GGT7: variants seen among roughly 807,000 people sequenced by gnomAD.
GGT7 encodes the protein glutathione hydrolase 7.
GGT7 carries 30 observed loss-of-function variants against 69.2 expected under a neutral mutation model. The observed-to-expected ratio is 0.43, with a 90% CI of 0.32 to 0.59. GGT7 has a LOEUF of 0.59. Among genes scored for constraint, GGT7 ranks in the 20% least tolerant of loss-of-function variants. The pLI is 0.05. For synonymous variants in GGT7, 388 were observed against 391.8 expected, an observed-to-expected ratio of 0.99 and a Z score of 0.12; for missense variants, 733 against 901.1, an observed-to-expected ratio of 0.81 and a Z score of 2.39.
rs569819094 is a variant in GGT7, at chr20:34,852,235, G to A, written c.1507C>T (p.Pro503Ser). The A allele has an allele frequency of 6.2e-7, 1 of 1,614,018 alleles. No homozygotes were observed. The highest frequency in any genetic ancestry group is 1.7e-5 in the Admixed American group (1 of 60,026). The change falls in exon 12 of 15, where the codon CCC (proline) becomes TCC (serine). Residue 503 changes from proline to serine, a missense_variant. Transcript: ENST00000336431. ...NQPFGSGLIT[P>S]SGILLNSQML... The stretch of plus-strand genomic sequence containing the variant: ...TGGCTGTTGAGCAGGATCCCCGAGG[G>A]GGTGATAAGGCCGCTGCCAAAGGGC...
rs1479361034 is a variant in GGT7 at position 34,863,463 on chromosome 20, T to C, written c.255A>G (p.Leu85=). 3.1e-6 allele frequency: 5 copies of C among 1,611,134 alleles called. No individual in the cohort carries two copies. The highest frequency in any genetic ancestry group is 2.7e-5 in the African/African-American group (2 of 74,898). Reference sequence around the variant, plus strand: ...AGAACGGGTCTTTGCGCGTCTCGCGTAGCGGCGACCCGTCTTGGCTGCCCA... The same window carrying C: ...AGAACGGGTCTTTGCGCGTCTCGCGCAGCGGCGACCCGTCTTGGCTGCCCA... ...SEMGSQDGSP[L]RETRKDPFSA... Residue 85 remains leucine, a synonymous_variant, in exon 2 of 15, where the codon CTA becomes CTG. Transcript: ENST00000336431. This position sits in a 1 kb window ranked among gnomAD's most constrained non-coding sequence, Gnocchi z 4.4.
Position 34,852,227 on chromosome 20 carries a change from C to T in GGT7, c.1515G>A (p.Gly505=), listed in dbSNP as rs766326804. The change falls in exon 12 of 15, where the codon GGG becomes GGA. Residue 505 remains glycine (G), a synonymous_variant. Coordinates refer to ENST00000336431, the MANE Select transcript of GGT7 (RefSeq NM_178026.3). ...PFGSGLITPS[G]ILLNSQMLDF... Reference sequence around the variant, plus strand: ...CCAGCATCTGGCTGTTGAGCAGGATCCCCGAGGGGGTGATAAGGCCGCTGC... The same window carrying T: ...CCAGCATCTGGCTGTTGAGCAGGATTCCCGAGGGGGTGATAAGGCCGCTGC... The T allele has an allele frequency of 3.1e-6, 5 of 1,614,076 alleles. No homozygotes were observed. Among genetic ancestry groups the T allele is most frequent in the South Asian group, 2.2e-5 (2 of 91,086 alleles).
intron 1 of GGT7, among the ~76,000 whole-genome samples, chr20:34,865,913 G>A (rs1240826345): frequency 6.6e-6 from 1 of 152,188 alleles, no homozygotes; most frequent in East Asian, 1.9e-4. Context: ...CTCACAATAT[G>A]TTTTTTAAAG....
At position 34,845,126 on chromosome 20, in the gene GGT7, AC is replaced by A; in HGVS notation, c.*201del. ...GATGCTGACACTCACCACCACCACC[AC>A]CACCACCACCACCACCACCACCACC... On this transcript the variant is annotated 3_prime_UTR_variant, in exon 15 of 15. Coordinates refer to ENST00000336431, the MANE Select transcript of GGT7 (RefSeq NM_178026.3). The A allele has an allele frequency of 2.8e-6, 1 of 359,886 alleles. No individual in the cohort carries two copies. The highest frequency in any genetic ancestry group is 2.4e-5 in the South Asian group (1 of 42,218). 22.3% of individuals were successfully genotyped at this position (359,886 alleles called of 1,614,324 possible). A position where few individuals can be genotyped will look rare whatever the true frequency, so the allele number is the denominator to read the frequency against.
At chr20:34,862,386 G>A (rs1356967060) in intron 3 of GGT7, among the ~76,000 whole-genome samples, 1 of 152,162 alleles carries the variant, frequency 6.6e-6, no homozygotes, top group Admixed American at 6.5e-5. Flanking sequence ...GCTGGGTGTT[G>A]CCCATGGGTG....
Position 34,861,545 on chromosome 20 carries a change from A to G in GGT7, c.575T>C (p.Val192Ala). Residue 192 changes from valine to alanine, a missense_variant, in exon 4 of 15, where the codon GTA becomes GCA. By Grantham distance (64) the Val-to-Ala change is moderately conservative. Transcript: ENST00000336431. ...SGLGGGGVML[V>A]HDIRRNESHL... ...GCTCTCATTTCGTCGGATGTCATGT[A>G]CCAGCATCACGCCCCCACTGGGAGA... The G allele has an allele frequency of 3.3e-6, 5 of 1,505,504 alleles. No individual in the cohort carries two copies. The highest frequency in any genetic ancestry group is 4.5e-6 in the Non-Finnish European group (5 of 1,111,456). The allele number at this position is 1,505,504 out of a possible 1,614,324, so 93.3% of individuals were successfully genotyped here. A position where few individuals can be genotyped will look rare whatever the true frequency, so the allele number is the denominator to read the frequency against.
At chr20:34,848,286 T>C (rs2079330828) in intron 14 of GGT7, among the ~76,000 whole-genome samples, 1 of 152,172 alleles carries the variant, frequency 6.6e-6, no homozygotes, top group African/African-American at 2.4e-5. Context: ...GCCTAGGCTG[T>C]TCCTCCTGTC....
Position 34,853,935 on chromosome 20 carries a change from T to C in GGT7, c.1319+596A>G, listed in dbSNP as rs186676080. 2.2e-3 allele frequency among the ~76,000 whole-genome samples: 328 copies of C among 152,220 alleles called. 4 individuals are homozygous for C. Among genetic ancestry groups the C allele is most frequent in the Non-Finnish European group, 3.3e-3 (222 of 68,004 alleles). On this transcript the variant is annotated intron_variant, in intron 10 of 14. Transcript: ENST00000336431. ...CCACCTTCAGTATTTGCTTGGAGAC[T>C]GTTTGTTTGTTTGTTTTTGGAGACA... is the stretch of plus-strand genomic sequence containing the variant.
At chr20:34,847,545 A>G (rs1312735478) in intron 14 of GGT7, among the ~76,000 whole-genome samples, 3 of 152,172 alleles carry the variant, frequency 2.0e-5, no homozygotes, top group African/African-American at 4.8e-5. Flanking sequence ...TCGAAAATCT[A>G]TTTCCTTTGT....
intron 1 of GGT7, among the ~76,000 whole-genome samples, chr20:34,870,091 T>C (rs1002393431): frequency 6.6e-6 from 1 of 152,040 alleles, no homozygotes. Context: ...TACCACCAGG[T>C]TGAGAACACA....
chr20:34,854,488 C>T (rs763012869), intron 10 of GGT7, 43 bp downstream of exon 10: 1 of 1,202,272 alleles, frequency 8.3e-7, no homozygotes, highest in South Asian at 1.2e-5. Context: ...TTCCCCACAC[C>T]CACCGCTGCC....
intron 5 of GGT7, 53 bp from the exon 6 acceptor site, chr20:34,860,095 G>A: frequency 1.2e-6 from 1 of 867,818 alleles, no homozygotes; most frequent in Non-Finnish European, 1.9e-6. Flanking sequence ...AATGAGGAGG[G>A]GTCCGGGGGG....
chr20:34,868,658 G>A, intron 1 of GGT7, among the ~76,000 whole-genome samples: 1 of 152,080 alleles, frequency 6.6e-6, no homozygotes, highest in East Asian at 1.9e-4. Flanking sequence ...ACTCAGACTT[G>A]GCCAGTCAGA....
At chr20:34,866,011 C>T (rs2079684564) in intron 1 of GGT7, among the ~76,000 whole-genome samples, 1 of 152,152 alleles carries the variant, frequency 6.6e-6, no homozygotes, top group African/African-American at 2.4e-5. Context: ...TAAAAACTGA[C>T]CATTTTATTG....
At chr20:34,860,375 G>C (rs530663107) in intron 4 of GGT7, 54 bp from the exon 5 acceptor site, 7 of 1,373,146 alleles carry the variant, frequency 5.1e-6, no homozygotes, top group Non-Finnish European at 7.3e-6. Context: ...TGGAAGGGGG[G>C]TGCTGGGCTG....
chr20:34,845,397 C>T lies in GGT7; in HGVS notation c.1920G>A (p.Arg640=). ...DVLSWVHGSR[R]TNNFIIAVKD... is the part of the protein sequence containing the mutation. ...TAACAGCGATGATGAAGTTGTTGGT[C>T]CTTCGGCTGCCATGGACCCAGGATA... The change falls in exon 15 of 15, where the codon AGG becomes AGA. Residue 640 remains arginine, a synonymous_variant. Coordinates refer to ENST00000336431, the MANE Select transcript of GGT7 (RefSeq NM_178026.3). 6.2e-7 allele frequency: 1 copy of T among 1,614,168 alleles called. No individual in the cohort carries two copies. The highest frequency in any genetic ancestry group is 8.5e-7 in the Non-Finnish European group (1 of 1,180,024).
intron 1 of GGT7, among the ~76,000 whole-genome samples, chr20:34,864,764 G>C (rs894459382): frequency 6.6e-6 from 1 of 151,374 alleles, no homozygotes; most frequent in East Asian, 1.9e-4. Flanking sequence ...GGCTCTACTA[G>C]CCTGGGGAGA....
rs1325772842 is a variant in GGT7, at chr20:34,872,689, C to A, written c.127G>T (p.Gly43Cys). Residue 43 changes from glycine (G) to cysteine (C), a missense_variant, in exon 1 of 15, where the codon GGC (glycine) becomes TGC (cysteine). Gly to Cys is a radical substitution (Grantham distance 159, BLOSUM62 -3). Transcript: ENST00000336431. ...DEPAPAAPLR[G>C]RKDEDAFLGD... ...AGAAAGGCGTCCTCGTCCTTGCGGCCCCTCAGCGGGGCCGCGGGCGCCGGC... is the reference window on the plus strand; with the variant it reads ...AGAAAGGCGTCCTCGTCCTTGCGGCACCTCAGCGGGGCCGCGGGCGCCGGC... 2.0e-6 allele frequency: 3 copies of A among 1,482,698 alleles called. No homozygotes were observed. The Admixed American group carries it at 8.1e-5, about 40-fold the overall frequency. The allele number at this position is 1,482,698 out of a possible 1,614,324, so 91.8% of individuals were successfully genotyped here.
intron 1 of GGT7, among the ~76,000 whole-genome samples, chr20:34,871,352 T>C (rs1050962036): frequency 2.0e-5 from 3 of 152,088 alleles, no homozygotes; most frequent in Admixed American, 1.3e-4. Flanking sequence ...AGGGCTGTAT[T>C]AGGACCAGAA....
Sources: allele counts gnomAD v4.1 joint callset (sites outside exome capture counted in the v4.1 genomes callset), GRCh38; gene constraint gnomAD v4.1.1; non-coding constraint Gnocchi (gnomAD v3.1); transcripts MANE v1.5; gene names NCBI Gene and HGNC (gene_info 2026-07-23, HGNC 2026-07-21).